Variants in PLCG2 observed in about 807,000 individuals in gnomAD.
The protein encoded by PLCG2 is phospholipase C gamma 2, also known as 1-phosphatidylinositol 4,5-bisphosphate phosphodiesterase gamma-2.
Under a neutral mutation model 175.6 loss-of-function variants are expected in PLCG2, and 69 were observed. That is an observed-to-expected ratio of 0.39 (90% confidence interval 0.32 to 0.48). The LOEUF (loss-of-function observed/expected upper bound fraction) is 0.48, where lower values mean the gene tolerates loss of function less well. Ranked by LOEUF, PLCG2 falls within the 20% of genes least tolerant of loss-of-function variation. The probability of loss-of-function intolerance (pLI) is 0.91; values close to 1 mark genes in which losing one functional copy is unlikely to be tolerated. For synonymous variants in PLCG2, 827 were observed against 624.0 expected (o/e 1.33, Z -4.85); for missense variants, 1,798 against 1,650.9 (o/e 1.09, Z -1.54).
In PLCG2 at chr16:81,908,480, C is replaced by T. The variant is rs767040629; in HGVS notation, c.1622C>T (p.Thr541Met). The T allele has an allele frequency of 3.1e-6, 5 of 1,613,884 alleles. No individual in the cohort carries two copies. The highest frequency in any genetic ancestry group is 4.2e-6 in the Non-Finnish European group (5 of 1,179,956). Residue 541 changes from threonine (T) to methionine (M), a missense_variant, in exon 17 of 33, where the codon ACG becomes ATG. Physicochemically the swap from Thr to Met is moderately conservative, Grantham distance 81. Coordinates refer to ENST00000564138, the MANE Select transcript of PLCG2 (RefSeq NM_002661.5). Reference protein sequence around the residue: ...KWFHKKVEKRTSAEKLLQEYC... With the variant: ...KWFHKKVEKRMSAEKLLQEYC... ...TTCCACAAGAAGGTGGAGAAGAGGA[C>T]GAGTGCCGAGAAGTTGCTGCAGGAA...
chr16:81,752,749 C>G (rs1228510877), intron 1 of PLCG2, among the ~76,000 whole-genome samples: 3 of 152,244 alleles, frequency 2.0e-5, no homozygotes, highest in African/African-American at 4.8e-5. Context: ...GGCCAGGGCC[C>G]TCAGGGTGCC....
chr16:81,805,785 T>TG (rs1567473593), intron 2 of PLCG2, among the ~76,000 whole-genome samples: 2 of 112,262 alleles, frequency 1.8e-5, no homozygotes, highest in African/African-American at 6.1e-5. Context: ...TTTTTTTTGT[T>TG]TTTTTTTTTT....
At chr16:81,903,506 C>T (rs758347081) in intron 14 of PLCG2, among the ~76,000 whole-genome samples, 1 of 152,328 alleles carries the variant, frequency 6.6e-6, no homozygotes, top group South Asian at 2.1e-4. Context: ...CTTAGTCTTG[C>T]AGATGAGAAG....
At chr16:81,863,222 C>T (rs1907068627) in intron 5 of PLCG2, among the ~76,000 whole-genome samples, 1 of 152,182 alleles carries the variant, frequency 6.6e-6, no homozygotes, top group Admixed American at 6.5e-5. Flanking sequence ...CTCTTTAGCC[C>T]CTGGAAATCA....
At chr16:81,863,687 G>T (rs1452953864) in intron 5 of PLCG2, among the ~76,000 whole-genome samples, 2 of 152,234 alleles carry the variant, frequency 1.3e-5, no homozygotes, top group African/African-American at 4.8e-5. Flanking sequence ...CCAAGGCAGT[G>T]CACAGGTTTC....
chr16:81,783,417 T>C (rs7192802), intron 1 of PLCG2, among the ~76,000 whole-genome samples: 116,944 of 152,162 alleles, frequency 0.77, 45,247 homozygotes, highest in South Asian at 0.88. Flanking sequence ...TAACTCGTTT[T>C]GCTACTTTCT....
intron 2 of PLCG2, among the ~76,000 whole-genome samples, chr16:81,757,479 G>A (rs947187356): frequency 3.3e-5 from 5 of 151,972 alleles, no homozygotes; most frequent in Admixed American, 6.6e-5. Flanking sequence ...CAAGAGAATC[G>A]CTTGAATCCA....
At chr16:81,862,602 G>A (rs1907036714) in intron 5 of PLCG2, among the ~76,000 whole-genome samples, 1 of 152,146 alleles carries the variant, frequency 6.6e-6, no homozygotes, top group Non-Finnish European at 1.5e-5. Context: ...GAGCATGGTG[G>A]CTGACACCTG....
At chr16:81,881,940 C>T (rs536375881) in intron 8 of PLCG2, among the ~76,000 whole-genome samples, 3 of 152,262 alleles carry the variant, frequency 2.0e-5, no homozygotes, top group East Asian at 1.9e-4. Flanking sequence ...GCATGTGCCA[C>T]TGTGCCCAGC....
At chr16:81,794,052 C>G (rs1453244759) in intron 2 of PLCG2, among the ~76,000 whole-genome samples, 4 of 152,192 alleles carry the variant, frequency 2.6e-5, no homozygotes, top group Admixed American at 2.6e-4. Flanking sequence ...GACAGAAACA[C>G]ATGAATTCCT....
At chr16:81,822,611 A>C (rs1012867201) in intron 2 of PLCG2, among the ~76,000 whole-genome samples, 1 of 151,874 alleles carries the variant, frequency 6.6e-6, no homozygotes, top group African/African-American at 2.4e-5. Flanking sequence ...GCAAAAATTA[A>C]CTGGGCATGG....
At chr16:81,897,309 C>A (rs1481151422) in intron 13 of PLCG2, among the ~76,000 whole-genome samples, 1 of 152,178 alleles carries the variant, frequency 6.6e-6, no homozygotes, top group Non-Finnish European at 1.5e-5. Flanking sequence ...GGTTCTGAGT[C>A]CTTCTCGCTG....
chr16:81,745,649 G>A (rs1344953817), intron 1 of PLCG2, among the ~76,000 whole-genome samples: 2 of 152,194 alleles, frequency 1.3e-5, no homozygotes, highest in Non-Finnish European at 2.9e-5. Flanking sequence ...TCTCAAGGTG[G>A]GCAGTCTGGT....
chr16:81,825,068 CT>C (rs1205683711), intron 2 of PLCG2, among the ~76,000 whole-genome samples: 1 of 152,182 alleles, frequency 6.6e-6, no homozygotes, highest in Admixed American at 6.5e-5. Context: ...CCCTTGGAGC[CT>C]CCAGAAGGAA....
intron 1 of PLCG2, among the ~76,000 whole-genome samples, chr16:81,741,062 T>C (rs1363196896): frequency 6.6e-6 from 1 of 152,210 alleles, no homozygotes; most frequent in Non-Finnish European, 1.5e-5. Context: ...CCTTCCTCCA[T>C]AGACCAGCGC....
chr16:81,773,007 A>G (rs2143113933), intron 2 of PLCG2, among the ~76,000 whole-genome samples: 1 of 152,114 alleles, frequency 6.6e-6, no homozygotes, highest in Middle Eastern at 3.4e-3. Flanking sequence ...CTGTTTGGCC[A>G]CATACTCTTG....
intron 7 of PLCG2, among the ~76,000 whole-genome samples, chr16:81,871,375 G>A (rs1177351869): frequency 6.6e-6 from 1 of 152,194 alleles, no homozygotes; most frequent in African/African-American, 2.4e-5. Flanking sequence ...GTCTCACTCT[G>A]TTGCCCAGGC....
At position 81,860,173 on chromosome 16, in the gene PLCG2, T is replaced by TTATTTTA. The variant is rs56260145; in HGVS notation, c.479+1011_479+1012insATTTTAT. ...ATTATTATTATTATTATTATTATTA[T>TTATTTTA]TTTTTTTTTTTTTTGTAAAGGTGAA... is the stretch of plus-strand genomic sequence containing the variant. On this transcript the variant is annotated intron_variant, in intron 5 of 32. Coordinates refer to ENST00000564138, the MANE Select transcript of PLCG2 (RefSeq NM_002661.5). 3.7e-5 allele frequency among the ~76,000 whole-genome samples: 3 copies of TTATTTTA among 81,526 alleles called. No individual in the cohort carries two copies. The East Asian group carries it at 8.1e-4, about 22-fold the overall frequency. The allele number at this position is 81,526 out of a possible 152,430, so 53.5% of individuals were successfully genotyped here.
intron 2 of PLCG2, among the ~76,000 whole-genome samples, chr16:81,828,311 T>G (rs1448106229): frequency 2.1e-5 from 3 of 139,782 alleles, no homozygotes; most frequent in Non-Finnish European, 4.6e-5. Context: ...AGTGGTGTGA[T>G]CTCGGCTCAC....
Sources: allele counts gnomAD v4.1 joint callset (sites outside exome capture counted in the v4.1 genomes callset), GRCh38; gene constraint gnomAD v4.1.1; transcripts MANE v1.5; gene names NCBI Gene and HGNC (gene_info 2026-07-23, HGNC 2026-07-21).